Variants in TPM1 observed in about 807,000 individuals in gnomAD.
The protein encoded by TPM1 is tropomyosin alpha-1 chain.
TPM1 carries 24 observed loss-of-function variants against 42.9 expected under a neutral mutation model. The observed-to-expected ratio is 0.56, with a 90% CI of 0.41 to 0.79. The LOEUF (loss-of-function observed/expected upper bound fraction) is 0.79, where lower values mean the gene tolerates loss of function less well. TPM1 is among the 30% of genes least tolerant of loss of function. The probability of loss-of-function intolerance (pLI) is 0.00; values close to 1 mark genes in which losing one functional copy is unlikely to be tolerated. For synonymous variants in TPM1, 136 were observed against 130.1 expected, an observed-to-expected ratio of 1.05 and a Z score of -0.31; for missense variants, 158 against 351.8, an observed-to-expected ratio of 0.45 and a Z score of 4.41.
At chr15:63,047,138 C>A in intron 2 of TPM1, 1 of 152,398 alleles carries the variant, frequency 6.6e-6, no homozygotes, top group Non-Finnish European at 1.5e-5. Context: ...GTAACCTCCC[C>A]ACCTGACCAG....
At chr15:63,059,774 A>G (rs1392692566) in intron 4 of TPM1, 94 bp downstream of exon 4, 24 of 887,548 alleles carry the variant, frequency 2.7e-5, no homozygotes, top group South Asian at 5.2e-5. Flanking sequence ...GAGTGAGGCC[A>G]TCTGCTTTGT....
At chr15:63,045,523 T>A (rs758075772) in intron 2 of TPM1, 11 of 152,188 alleles carry the variant, frequency 7.2e-5, no homozygotes, top group Non-Finnish European at 1.3e-4. Flanking sequence ...CCGCAAATTC[T>A]CCAGCAGGAC....
At chr15:63,056,076 A>G (rs1021338054) in intron 2 of TPM1, 5 of 152,358 alleles carry the variant, frequency 3.3e-5, no homozygotes, top group African/African-American at 7.2e-5. Flanking sequence ...CTCTGTTCCA[A>G]TGAGGCCAGT....
chr15:63,069,289 T>G (rs970502191), downstream of TPM1, among the ~76,000 whole-genome samples: 2 of 152,180 alleles, frequency 1.3e-5, no homozygotes, highest in African/African-American at 4.8e-5. Context: ...TTGTGGTGAC[T>G]GGGGGAAGGA....
chr15:63,057,699 C>T (rs77034170), intron 3 of TPM1, among the ~76,000 whole-genome samples: 1 of 152,218 alleles, frequency 6.6e-6, no homozygotes, highest in African/African-American at 2.4e-5. Context: ...CCACTGTAAT[C>T]TGGCTGTAGC....
chr15:63,050,881 C>G (rs942160564), intron 2 of TPM1, among the ~76,000 whole-genome samples: 2 of 152,206 alleles, frequency 1.3e-5, no homozygotes, highest in African/African-American at 4.8e-5. Flanking sequence ...AGTGACAAAA[C>G]CATGAGCCAC....
intron 2 of TPM1, chr15:63,047,512 G>C (rs577819078): frequency 6.6e-6 from 1 of 152,152 alleles, no homozygotes; most frequent in East Asian, 1.9e-4. Context: ...GCTTTCCTTG[G>C]GGTGCCTTTT....
At chr15:63,071,033 C>A, downstream of TPM1, 2 of 1,610,842 alleles carry the variant, frequency 1.2e-6, no homozygotes, top group Non-Finnish European at 1.7e-6. Context: ...AATGTACAAA[C>A]CACCATTGTG....
chr15:63,070,209 T>G, downstream of TPM1: 1 of 1,245,298 alleles, frequency 8.0e-7, no homozygotes, highest in Non-Finnish European at 1.0e-6. Context: ...CAGGTCCTCT[T>G]GTTTGAACTG....
chr15:63,055,677 G>T (rs16946372), intron 2 of TPM1: 101,416 of 152,052 alleles, frequency 0.67, 34,304 homozygotes, highest in East Asian at 0.95. Context: ...AGTGTGTATT[G>T]TAATTTCTAG....
chr15:63,069,776 C>T (rs2036501833), downstream of TPM1: 2 of 1,512,938 alleles, frequency 1.3e-6, no homozygotes, highest in Admixed American at 1.7e-5. Context: ...TGCTTGAGGT[C>T]TCTTTGTGTT....
chr15:63,059,523 G>T, intron 3 of TPM1, 40 bp from the exon 4 acceptor site: 9 of 1,540,644 alleles, frequency 5.8e-6, no homozygotes, highest in Non-Finnish European at 8.0e-6. Context: ...GGGAAGTTCA[G>T]CTCTAAATCT....
At position 63,065,285 on chromosome 15, in the gene TPM1, A is replaced by G. The variant is rs902140127; in HGVS notation, c.852-611A>G. The G allele has an allele frequency of 2.5e-5, 25 of 987,990 alleles. No individual in the cohort carries two copies. In the African/African-American group the frequency reaches 3.8e-4, roughly 15 times the overall value. 61.2% of individuals were successfully genotyped at this position (987,990 alleles called of 1,614,324 possible). On this transcript the variant is annotated intron_variant, in intron 9 of 9. Transcript: ENST00000403994. The stretch of plus-strand genomic sequence containing the variant: ...CTACTACTTTAAATTCTAACCTGGA[A>G]TGTTTCAGAGTTCTTCATTCTAATA...
downstream of TPM1, chr15:63,071,141 A>T (rs1259233336): frequency 1.9e-6 from 3 of 1,614,196 alleles, no homozygotes; most frequent in Admixed American, 5.0e-5. Flanking sequence ...CAGATGCTGG[A>T]TCAGACTTTA....
At chr15:63,044,206 G>T in intron 2 of TPM1, 54 bp downstream of exon 2, 1 of 1,613,758 alleles carries the variant, frequency 6.2e-7, no homozygotes, top group Non-Finnish European at 8.5e-7. Context: ...GGCCACTCCG[G>T]GGTCACCACA....
chr15:63,048,651 G>C (rs1169761823), intron 2 of TPM1: 35 of 1,539,106 alleles, frequency 2.3e-5, no homozygotes, highest in Non-Finnish European at 3.0e-5. Flanking sequence ...CGCCGCTGAG[G>C]AGCGCGCGGG....
intron 1 of TPM1, 166 bp downstream of exon 1, chr15:63,043,109 A>G (rs974865659): frequency 3.5e-5 from 23 of 653,690 alleles, no homozygotes; most frequent in Non-Finnish European, 6.0e-5. Flanking sequence ...GAAACGCAAG[A>G]GCCAGGCTTA....
At chr15:63,043,355 T>C (rs1374702277) in intron 1 of TPM1, 1 of 563,270 alleles carries the variant, frequency 1.8e-6, no homozygotes, top group Admixed American at 2.2e-5. Context: ...AACCTTAAAC[T>C]TGGGGAGGAG....
chr15:63,060,003 A>G (rs2035396610), intron 4 of TPM1: 1 of 344,914 alleles, frequency 2.9e-6, no homozygotes, highest in Admixed American at 3.8e-5. Context: ...GGAGGCTCTC[A>G]TGCTGTCATG....
Sources: gnomAD v4.1 joint callset for allele counts (sites outside exome capture counted in the v4.1 genomes callset) on GRCh38, gnomAD v4.1.1 for gene constraint, MANE v1.5 for transcripts, NCBI Gene and HGNC (gene_info 2026-07-23, HGNC 2026-07-21) for gene names.